Variants in SPOCK1 observed in about 807,000 individuals in gnomAD.
SPOCK1 encodes the protein SPARC (osteonectin), cwcv and kazal like domains proteoglycan 1.
A neutral mutation model predicts 55.3 loss-of-function variants in SPOCK1; 23 were observed. The ratio of observed to expected loss-of-function variants is 0.42; its 90% confidence interval spans 0.30 to 0.59. The LOEUF is 0.59. Ranked by LOEUF, SPOCK1 falls within the 20% of genes least tolerant of loss-of-function variation. The pLI is 0.22. For missense variants in SPOCK1, 499 were observed against 552.5 expected, an observed-to-expected ratio of 0.90 and a Z score of 0.97; for synonymous variants, 226 against 221.0, an observed-to-expected ratio of 1.02 and a Z score of -0.20.
intron 3 of SPOCK1, among the ~76,000 whole-genome samples, chr5:137,214,192 C>A (rs1371760053): frequency 5.9e-5 from 9 of 152,110 alleles, no homozygotes; most frequent in Admixed American, 3.3e-4. Flanking sequence ...CTTATCTCCC[C>A]AACCTATAAA....
chr5:137,490,394 C>T (rs932091279), intron 2 of SPOCK1, among the ~76,000 whole-genome samples: 1 of 152,136 alleles, frequency 6.6e-6, no homozygotes, highest in Non-Finnish European at 1.5e-5. Context: ...CAAGAACTTC[C>T]CCAAGTATAG....
At chr5:137,051,310 G>A (rs1281553924) in intron 6 of SPOCK1, among the ~76,000 whole-genome samples, 1 of 152,194 alleles carries the variant, frequency 6.6e-6, no homozygotes, top group African/African-American at 2.4e-5. Context: ...CATGAGGTAT[G>A]ATAGCAGAGA....
chr5:137,269,061 T>C (rs1461589080), intron 2 of SPOCK1, among the ~76,000 whole-genome samples: 1 of 129,694 alleles, frequency 7.7e-6, no homozygotes, highest in Non-Finnish European at 1.7e-5. Context: ...ACCTTGCCAC[T>C]TTTTCAGGTT....
chr5:137,242,956 C>A (rs1044987938), intron 3 of SPOCK1, among the ~76,000 whole-genome samples: 1 of 152,124 alleles, frequency 6.6e-6, no homozygotes, highest in African/African-American at 2.4e-5. Context: ...AAACTAATAA[C>A]AGTGGTGACA....
intron 3 of SPOCK1, among the ~76,000 whole-genome samples, chr5:137,256,384 T>C (rs1383519350): frequency 6.6e-6 from 1 of 152,202 alleles, no homozygotes; most frequent in African/African-American, 2.4e-5. Context: ...GAAATGTATT[T>C]GGCTTATGGT....
intron 2 of SPOCK1, among the ~76,000 whole-genome samples, chr5:137,369,669 A>C (rs1272611489): frequency 6.6e-6 from 1 of 152,200 alleles, no homozygotes; most frequent in Non-Finnish European, 1.5e-5. Flanking sequence ...TTTACTTCTC[A>C]CAGTTCTAGA....
chr5:137,070,504 G>T (rs745614694), intron 5 of SPOCK1, among the ~76,000 whole-genome samples: 7 of 152,190 alleles, frequency 4.6e-5, no homozygotes, highest in Non-Finnish European at 8.8e-5. Context: ...AATGACAAAG[G>T]CAGAAAGAAG....
chr5:137,313,805 C>T (rs575612492), intron 2 of SPOCK1, among the ~76,000 whole-genome samples: 2 of 151,066 alleles, frequency 1.3e-5, no homozygotes, highest in South Asian at 2.2e-4. Flanking sequence ...CATTTTCCTA[C>T]CTAGCTCTTT....
intron 2 of SPOCK1, among the ~76,000 whole-genome samples, chr5:137,406,116 A>G (rs1752093447): frequency 6.6e-6 from 1 of 152,176 alleles, no homozygotes; most frequent in Non-Finnish European, 1.5e-5. Flanking sequence ...GCTCCCTGCT[A>G]GAGAAGCCCA....
chr5:137,096,518 G>A (rs1753149750), intron 5 of SPOCK1, among the ~76,000 whole-genome samples: 1 of 152,132 alleles, frequency 6.6e-6, no homozygotes, highest in Non-Finnish European at 1.5e-5. Flanking sequence ...GTTTGGGAAA[G>A]AAACGGTCCA....
At chr5:137,184,404 A>G (rs565113265) in intron 3 of SPOCK1, among the ~76,000 whole-genome samples, 31 of 152,204 alleles carry the variant, frequency 2.0e-4, no homozygotes, top group Non-Finnish European at 3.4e-4. Context: ...CCTGACCCAG[A>G]TTGTTGGGTC....
At chr5:137,241,802 CTGTTA>C (rs997426203) in intron 3 of SPOCK1, among the ~76,000 whole-genome samples, 6 of 152,118 alleles carry the variant, frequency 3.9e-5, no homozygotes, top group Non-Finnish European at 8.8e-5. Context: ...CTGTTGTATT[CTGTTA>C]TAATAGCACA....
chr5:137,476,229 C>T (rs1022697951), intron 2 of SPOCK1, among the ~76,000 whole-genome samples: 1 of 151,924 alleles, frequency 6.6e-6, no homozygotes, highest in African/African-American at 2.4e-5. Context: ...TATACAGTTG[C>T]TTATATGCAC....
chr5:137,112,701 C>T, intron 4 of SPOCK1, 140 bp from the exon 5 acceptor site: 1 of 1,017,964 alleles, frequency 9.8e-7, no homozygotes, highest in Admixed American at 3.2e-5. Context: ...TTAGCCAGCA[C>T]TTCCATTTGC....
chr5:137,300,088 T>C (rs1352467123), intron 2 of SPOCK1, among the ~76,000 whole-genome samples: 2 of 152,178 alleles, frequency 1.3e-5, no homozygotes, highest in Non-Finnish European at 1.5e-5. Flanking sequence ...TTGACTTTTT[T>C]CCTACTTTTT....
chr5:137,371,404 GCTATTTATAACTGGCTT>G (rs1186389877), intron 2 of SPOCK1, among the ~76,000 whole-genome samples: 1 of 152,164 alleles, frequency 6.6e-6, no homozygotes, highest in Non-Finnish European at 1.5e-5. Context: ...CCAAAGGTTA[GCTATTTATAACTGGCTT>G]CATGAAAACC....
At chr5:137,367,466 G>A (rs1751098226) in intron 2 of SPOCK1, among the ~76,000 whole-genome samples, 1 of 152,102 alleles carries the variant, frequency 6.6e-6, no homozygotes, top group African/African-American at 2.4e-5. Flanking sequence ...AAGGCACCTG[G>A]GGGACACTTT....
At chr5:136,988,806 T>C (rs1750893937) in intron 7 of SPOCK1, 163 bp from the exon 8 acceptor site, 3 of 572,460 alleles carry the variant, frequency 5.2e-6, no homozygotes, top group Non-Finnish European at 8.7e-6. Flanking sequence ...TAGAATATTT[T>C]GTGTTTTTTT....
chr5:137,222,103 C>G (rs1755867140), intron 3 of SPOCK1, among the ~76,000 whole-genome samples: 1 of 152,204 alleles, frequency 6.6e-6, no homozygotes, highest in Non-Finnish European at 1.5e-5. Context: ...ACTCAAAACT[C>G]TGGCTTTTAT....
Sources: gnomAD v4.1 joint callset for allele counts (sites outside exome capture counted in the v4.1 genomes callset) on GRCh38, gnomAD v4.1.1 for gene constraint, MANE v1.5 for transcripts, NCBI Gene and HGNC (gene_info 2026-07-23, HGNC 2026-07-21) for gene names.